TAAR5: variants seen among roughly 807,000 people sequenced by gnomAD.
TAAR5 encodes trace amine-associated receptor 5.
A neutral mutation model predicts 21.1 loss-of-function variants in TAAR5; 27 were observed. The ratio of observed to expected loss-of-function variants is 1.28; its 90% CI spans 0.94 to 1.76. TAAR5 has a LOEUF of 1.76. Ranked by LOEUF, TAAR5 falls within the 40% of genes most tolerant of loss-of-function variation. The pLI is 0.00. For synonymous variants in TAAR5, 203 were observed against 167.5 expected (o/e 1.21, Z -1.64); for missense variants, 495 against 405.6 (o/e 1.22, Z -1.89).
At chr6:132,615,981 A>T in the TAAR5 span, among the ~76,000 whole-genome samples, 2 of 151,956 alleles carry the variant, frequency 1.3e-5, no homozygotes, top group Admixed American at 6.6e-5. Flanking sequence ...ATATTTTGAT[A>T]CTATCTATTT....
chr6:132,612,577 T>C, the TAAR5 span, among the ~76,000 whole-genome samples: 1 of 152,170 alleles, frequency 6.6e-6, no homozygotes, highest in African/African-American at 2.4e-5. Context: ...TGGGCAGAGA[T>C]AGTGTTAGTA....
chr6:132,613,311 C>T, the TAAR5 span, among the ~76,000 whole-genome samples: 1 of 152,128 alleles, frequency 6.6e-6, no homozygotes, highest in Admixed American at 6.5e-5. Flanking sequence ...TGTTTCATAA[C>T]CTGTTTATAC....
At chr6:132,599,608 C>T in the TAAR5 span, among the ~76,000 whole-genome samples, 1 of 152,140 alleles carries the variant, frequency 6.6e-6, no homozygotes, top group African/African-American at 2.4e-5. Flanking sequence ...GGATTACAGG[C>T]ATGAGCCACC....
upstream of TAAR5, among the ~76,000 whole-genome samples, chr6:132,592,257 T>C (rs1362647828): frequency 6.6e-6 from 1 of 152,254 alleles, no homozygotes; most frequent in Non-Finnish European, 1.5e-5. Flanking sequence ...AAACCAAATT[T>C]GTTTTCAAAT....
At chr6:132,593,915 C>T (rs1175672649), upstream of TAAR5, among the ~76,000 whole-genome samples, 1 of 152,182 alleles carries the variant, frequency 6.6e-6, no homozygotes, top group Admixed American at 6.6e-5. Flanking sequence ...TCCCTTTCCG[C>T]ATCACTAGCA....
chr6:132,607,577 A>G, the TAAR5 span, among the ~76,000 whole-genome samples: 1 of 152,168 alleles, frequency 6.6e-6, no homozygotes, highest in Non-Finnish European at 1.5e-5. Context: ...GCAGATTAAG[A>G]TTCTAGAGAA....
the TAAR5 span, among the ~76,000 whole-genome samples, chr6:132,604,494 C>T: frequency 6.6e-6 from 1 of 151,708 alleles, no homozygotes; most frequent in African/African-American, 2.4e-5. Context: ...AACTGACAAA[C>T]TGATCTTAAA....
chr6:132,599,361 G>T, the TAAR5 span, among the ~76,000 whole-genome samples: 1 of 116,310 alleles, frequency 8.6e-6, no homozygotes, highest in African/African-American at 3.4e-5. Flanking sequence ...ACGGAGTCCC[G>T]CTCTGTCACC....
At chr6:132,605,227 G>A in the TAAR5 span, among the ~76,000 whole-genome samples, 1 of 152,192 alleles carries the variant, frequency 6.6e-6, no homozygotes, top group African/African-American at 2.4e-5. Context: ...AAATACTTAA[G>A]AGAAAAGTGT....
At chr6:132,608,101 T>C in the TAAR5 span, 1 of 343,332 alleles carries the variant, frequency 2.9e-6, no homozygotes, top group Non-Finnish European at 5.7e-6. Flanking sequence ...GTACCTCTTG[T>C]GTAGGTGATA....
At chr6:132,608,512 T>C in the TAAR5 span, 2 of 455,034 alleles carry the variant, frequency 4.4e-6, no homozygotes, top group Admixed American at 2.4e-5. Context: ...ACCCAGTGTC[T>C]TCGCTGCTTT....
chr6:132,601,680 A>C, the TAAR5 span, among the ~76,000 whole-genome samples: 1 of 152,246 alleles, frequency 6.6e-6, no homozygotes, highest in East Asian at 1.9e-4. Flanking sequence ...ATATTTCCAA[A>C]TAATAGAATA....
the TAAR5 span, among the ~76,000 whole-genome samples, chr6:132,604,146 C>CTTT: frequency 1.4e-3 from 180 of 125,992 alleles, 2 homozygotes; most frequent in African/African-American, 4.3e-3. Flanking sequence ...TTTTTCTTTT[C>CTTT]TTTTTTTTTT....
At chr6:132,597,789 T>C in the TAAR5 span, among the ~76,000 whole-genome samples, 1 of 152,208 alleles carries the variant, frequency 6.6e-6, no homozygotes, top group Non-Finnish European at 1.5e-5. Context: ...ATTCTGGAGA[T>C]AAGAGCAAGA....
chr6:132,599,391 G>T, the TAAR5 span, among the ~76,000 whole-genome samples: 1 of 138,860 alleles, frequency 7.2e-6, no homozygotes, highest in East Asian at 2.1e-4. Flanking sequence ...ATGCAGTGGT[G>T]GATCTTGGCT....
rs142216705 is a variant in TAAR5, at chr6:132,589,218, C to A, written c.469G>T (p.Ala157Ser). Residue 157 changes from alanine to serine, a missense_variant, in exon 1 of 1, where the codon GCA becomes TCA. Coordinates refer to ENST00000258034, the MANE Select transcript of TAAR5 (RefSeq NM_003967.3). The part of the protein sequence containing the change: ...TVRVALRYIL[A>S]GWGVPAAYTS... ...TATGCTGCGGGCACCCCCCATCCTG[C>A]CAGGATGTACCTGAGAGCCACCCTC... 32 of 1,605,384 alleles carry A rather than the reference C, an allele frequency of 2.0e-5. No homozygotes were observed. Among genetic ancestry groups the A allele is most frequent in the Non-Finnish European group, 2.6e-5 (30 of 1,175,670 alleles).
At chr6:132,613,003 T>TCC in the TAAR5 span, among the ~76,000 whole-genome samples, 2 of 152,316 alleles carry the variant, frequency 1.3e-5, no homozygotes, top group East Asian at 3.9e-4. Context: ...AGTATTGGGA[T>TCC]GATTCTATAA....
chr6:132,609,312 TGA>T, the TAAR5 span: 5 of 257,780 alleles, frequency 1.9e-5, no homozygotes, highest in Non-Finnish European at 3.8e-5. Context: ...TCCAGGAGGA[TGA>T]GTCACTGTTT....
the TAAR5 span, chr6:132,594,773 A>G: frequency 6.6e-6 from 1 of 152,082 alleles, no homozygotes; most frequent in African/African-American, 2.4e-5. Context: ...CTGTAAAAAT[A>G]TGTATGTAAA....
Sources: gnomAD v4.1 joint callset for allele counts (sites outside exome capture counted in the v4.1 genomes callset) on GRCh38, gnomAD v4.1.1 for gene constraint, MANE v1.5 for transcripts, NCBI Gene and HGNC (gene_info 2026-07-23, HGNC 2026-07-21) for gene names.